Variants in ADGRL2 observed in about 807,000 individuals in gnomAD.
ADGRL2 encodes calcium-independent alpha-latrotoxin receptor 2.
In ADGRL2, 44 loss-of-function variants were observed where a neutral mutation model predicts 157.4. That is an observed-to-expected ratio of 0.28 (90% CI 0.22 to 0.36). The LOEUF (loss-of-function observed/expected upper bound fraction) is 0.36, where lower values mean the gene tolerates loss of function less well. ADGRL2 is among the 10% of genes least tolerant of loss of function. ADGRL2 has a pLI of 1.00. For missense variants in ADGRL2, 1,510 were observed against 1,768.9 expected (o/e 0.85, Z 2.63); for synonymous variants, 585 against 624.7 (o/e 0.94, Z 0.95).
At chr1:81,692,378 A>G (rs926186619) in intron 3 of ADGRL2, among the ~76,000 whole-genome samples, 1 of 152,218 alleles carries the variant, frequency 6.6e-6, no homozygotes, top group Non-Finnish European at 1.5e-5. Context: ...CTGCCAAGAG[A>G]AGATCCAATT....
intron 3 of ADGRL2, among the ~76,000 whole-genome samples, chr1:81,929,196 C>T (rs1215142930): frequency 6.6e-6 from 1 of 151,998 alleles, no homozygotes; most frequent in African/African-American, 2.4e-5. Context: ...TGGCCCCTGG[C>T]AGGAGATAAT....
intron 1 of ADGRL2, among the ~76,000 whole-genome samples, chr1:81,426,174 T>G (rs1570935025): frequency 6.6e-6 from 1 of 152,144 alleles, no homozygotes; most frequent in East Asian, 1.9e-4. Context: ...GACAATAGGG[T>G]GGTTTGACCT....
At chr1:81,573,080 AAG>A (rs2080727636) in intron 2 of ADGRL2, among the ~76,000 whole-genome samples, 1 of 152,020 alleles carries the variant, frequency 6.6e-6, no homozygotes, top group Non-Finnish European at 1.5e-5. Flanking sequence ...TTTGTTATGC[AAG>A]AGAGTATTTT....
intron 1 of ADGRL2, among the ~76,000 whole-genome samples, chr1:81,436,504 T>C (rs540176184): frequency 3.1e-4 from 47 of 152,368 alleles, no homozygotes; most frequent in African/African-American, 1.1e-3. Context: ...ACTAAGCGTA[T>C]AGCCATGAGT....
chr1:81,828,369 G>A (rs907709680), intron 1 of ADGRL2, among the ~76,000 whole-genome samples: 1 of 152,110 alleles, frequency 6.6e-6, no homozygotes, highest in Non-Finnish European at 1.5e-5. Flanking sequence ...AAGCTCAAGA[G>A]ATTGGAAAAT....
At chr1:81,507,555 G>A (rs2079000202) in intron 2 of ADGRL2, among the ~76,000 whole-genome samples, 2 of 152,130 alleles carry the variant, frequency 1.3e-5, no homozygotes, top group South Asian at 4.1e-4. Context: ...TTATATGGTG[G>A]CCATTTATCT....
intron 2 of ADGRL2, among the ~76,000 whole-genome samples, chr1:81,521,118 C>T (rs550785650): frequency 7.4e-4 from 113 of 152,268 alleles, no homozygotes; most frequent in Non-Finnish European, 1.3e-3. Context: ...ATGTACTCAG[C>T]TAAAAATCAG....
chr1:81,970,264 A>G (rs1211559179), intron 15 of ADGRL2, 50 bp from the exon 16 acceptor site: 2 of 1,287,020 alleles, frequency 1.6e-6, no homozygotes, highest in East Asian at 4.6e-5. Context: ...GGAGTGGGCT[A>G]TTTTTATTCA....
At chr1:81,954,672 T>C (rs985172675) in intron 10 of ADGRL2, among the ~76,000 whole-genome samples, 1 of 152,060 alleles carries the variant, frequency 6.6e-6, no homozygotes, top group Admixed American at 6.6e-5. Flanking sequence ...CTGTCTCCCA[T>C]TAGAGGGAGA....
rs527330685 is a variant in ADGRL2 at position 81,876,159 on chromosome 1, T to G, written c.74-30858T>G. On this transcript the variant is annotated intron_variant, in intron 2 of 23. Coordinates refer to ENST00000686636, the MANE Select transcript of ADGRL2 (RefSeq NM_001366006.2). ...TTATAGTGCTTTCCACGCAAGACTT[T>G]ATATGAAATAAATACATTAAGAATG... Among the ~76,000 whole-genome samples the G allele has an allele frequency of 5.7e-4, 87 of 152,304 alleles. 1 individual carries two copies. Among genetic ancestry groups the G allele is most frequent in the Middle Eastern group, 3.4e-3 (1 of 294 alleles).
rs568504494 is a variant in ADGRL2 at position 81,447,068 on chromosome 1, A to G, written c.-248+1979A>G. Among the ~76,000 whole-genome samples, 3 of 152,270 alleles carry G rather than the reference A, an allele frequency of 2.0e-5. No homozygotes were observed. In the East Asian group the frequency reaches 5.8e-4, roughly 29 times the overall value. On this transcript the variant is annotated intron_variant, in intron 2 of 24. Transcript: ENST00000370721. ...TACTATTATAATTTTTATATTAGTC[A>G]ACATAAATTTTACTATTAAAATCAT... is the stretch of plus-strand genomic sequence containing the variant.
chr1:81,802,947 A>G (rs1046879073), intron 1 of ADGRL2, among the ~76,000 whole-genome samples: 1 of 151,878 alleles, frequency 6.6e-6, no homozygotes, highest in Non-Finnish European at 1.5e-5. Context: ...TGCTGCTGCC[A>G]GGGCGGCCTC....
intron 2 of ADGRL2, among the ~76,000 whole-genome samples, chr1:81,862,560 T>C (rs2093421122): frequency 6.6e-6 from 1 of 152,178 alleles, no homozygotes; most frequent in Non-Finnish European, 1.5e-5. Context: ...CATGACTTTG[T>C]CACTATATAT....
chr1:81,758,684 G>A (rs571195594), intron 1 of ADGRL2, among the ~76,000 whole-genome samples: 2 of 152,254 alleles, frequency 1.3e-5, no homozygotes, highest in African/African-American at 2.4e-5. Flanking sequence ...ATTTAAGAAC[G>A]GAAAATAAAG....
At chr1:81,360,980 G>T (rs2075967404) in intron 1 of ADGRL2, among the ~76,000 whole-genome samples, 1 of 151,822 alleles carries the variant, frequency 6.6e-6, no homozygotes, top group African/African-American at 2.4e-5. Flanking sequence ...ACAGAGAAAT[G>T]AAAATGATAA....
chr1:81,671,658 GC>G (rs1390847981), intron 3 of ADGRL2, among the ~76,000 whole-genome samples: 2 of 152,156 alleles, frequency 1.3e-5, no homozygotes, highest in East Asian at 3.9e-4. Context: ...GATTACAGGC[GC>G]CCGCTACCAC....
At chr1:81,529,004 C>A (rs1233011254) in intron 2 of ADGRL2, among the ~76,000 whole-genome samples, 2 of 151,976 alleles carry the variant, frequency 1.3e-5, no homozygotes, top group East Asian at 3.9e-4. Context: ...GCACATGGAG[C>A]CAAAAGTAAA....
intron 2 of ADGRL2, chr1:81,505,891 T>G: frequency 3.1e-6 from 1 of 327,646 alleles, no homozygotes; most frequent in Non-Finnish European, 6.0e-6. Context: ...ACAATTTTCA[T>G]TAAAATCATG....
rs1660694115 is a variant in ADGRL2, at chr1:81,978,107, T to G, written c.3022-1762T>G. ...AAAAAACACACTCTTAATTTTTGCC[T>G]TTAAAAAATAATTAGAGGTACACTT... is the stretch of plus-strand genomic sequence containing the variant. On this transcript the variant is annotated intron_variant, in intron 17 of 23. Transcript: ENST00000686636. 2.6e-5 allele frequency among the ~76,000 whole-genome samples: 4 copies of G among 151,610 alleles called. No individual in the cohort carries two copies. In the South Asian group the frequency reaches 8.3e-4, roughly 31 times the overall value.
Sources: allele counts gnomAD v4.1 joint callset (sites outside exome capture counted in the v4.1 genomes callset), GRCh38; gene constraint gnomAD v4.1.1; transcripts MANE v1.5; gene names NCBI Gene and HGNC (gene_info 2026-07-23, HGNC 2026-07-21).